The following FURIN variants were observed in gnomAD, a reference collection of about 807,000 sequenced individuals.
FURIN encodes the protein FES upstream region.
A neutral mutation model predicts 89.2 loss-of-function variants in FURIN; 18 were observed. The observed-to-expected ratio is 0.20, with a 90% confidence interval of 0.14 to 0.30. The LOEUF is 0.30. Among genes scored for constraint, FURIN ranks in the 10% least tolerant of loss-of-function variants. The pLI is 1.00. For missense variants in FURIN, 879 were observed against 1,100.5 expected, an observed-to-expected ratio of 0.80 and a Z score of 2.85; for synonymous variants, 508 against 466.4, an observed-to-expected ratio of 1.09 and a Z score of -1.15.
Position 90,876,278 on chromosome 15 carries a change from C to T in FURIN, c.201C>T (p.Phe67=). The T allele has an allele frequency of 6.2e-7, 1 of 1,610,784 alleles. No individual in the cohort carries two copies. Among genetic ancestry groups the T allele is most frequent in the Non-Finnish European group, 8.5e-7 (1 of 1,177,210 alleles). ...AGATCTTCGGGGACTATTACCACTT[C>T]TGGCATCGAGGAGTGACGAAGCGGT... ...LGQIFGDYYH[F]WHRGVTKRSL... The change falls in exon 3 of 16, where the codon TTC becomes TTT. Residue 67 remains phenylalanine (F), a synonymous_variant. Transcript: ENST00000268171. The surrounding 1 kb of genome is among the most constrained non-coding windows in gnomAD (Gnocchi z 5.0).
At position 90,876,388 on chromosome 15, in the gene FURIN, C is replaced by T. The variant is rs575304897; in HGVS notation, c.276+35C>T. 17 of 1,524,346 alleles carry T rather than the reference C, an allele frequency of 1.1e-5. No individual in the cohort carries two copies. In the African/African-American group the frequency reaches 2.1e-4, roughly 18 times the overall value. The allele number at this position is 1,524,346 out of a possible 1,614,324, so 94.4% of individuals were successfully genotyped here. On this transcript the variant is annotated intron_variant, in intron 3 of 15. Transcript: ENST00000268171. This position sits in a 1 kb window ranked among gnomAD's most constrained non-coding sequence, Gnocchi z 5.0. ...GCCCCAGCCCCCTCCTGCTGCCACC[C>T]TCCCCCTCCTGCTCTCAGGAGCCCC... is the stretch of plus-strand genomic sequence containing the variant.
chr15:90,869,322 C>CA (rs1029481088), intron 1 of FURIN, among the ~76,000 whole-genome samples: 1 of 151,968 alleles, frequency 6.6e-6, no homozygotes, highest in Non-Finnish European at 1.5e-5. Context: ...GCTCCAGGGC[C>CA]AGTTGAGAGT....
chr15:90,875,282 G>A (rs1243225364), intron 1 of FURIN, among the ~76,000 whole-genome samples: 1 of 152,028 alleles, frequency 6.6e-6, no homozygotes, highest in Admixed American at 6.6e-5. Context: ...TGATCCACCC[G>A]CCTCAGCCTC....
rs1156256598 is a variant in FURIN, at chr15:90,876,881, T to G, written c.373-15T>G. 1.2e-6 allele frequency: 2 copies of G among 1,613,416 alleles called. No homozygotes were observed. The highest frequency in any genetic ancestry group is 1.7e-6 in the Non-Finnish European group (2 of 1,179,560). ...CAATCATGTCTCATAAGTGATGGGGTGGGTGTCTCCACAGTCTGGTGTCAC... is the reference window on the plus strand; with the variant it reads ...CAATCATGTCTCATAAGTGATGGGGGGGGTGTCTCCACAGTCTGGTGTCAC... On this transcript the variant is annotated splice_polypyrimidine_tract_variant and intron_variant, in intron 4 of 15. Coordinates refer to ENST00000268171, the MANE Select transcript of FURIN (RefSeq NM_002569.4). The surrounding 1 kb of genome is among the most constrained non-coding windows in gnomAD (Gnocchi z 5.0).
chr15:90,876,992 G>A lies in FURIN; in HGVS notation c.469G>A (p.Glu157Lys), dbSNP rs747437407. 1.2e-6 allele frequency: 2 copies of A among 1,614,150 alleles called. No individual in the cohort carries two copies. Among genetic ancestry groups the A allele is most frequent in the Non-Finnish European group, 8.5e-7 (1 of 1,180,028 alleles). The change falls in exon 5 of 16, where the codon GAG becomes AAG. Residue 157 changes from glutamate to lysine, a missense_variant. This residue lies in a region of FURIN where 139 missense variants were observed against 215.0 expected (regional missense o/e 0.65). Transcript: ENST00000268171. The surrounding 1 kb of genome is among the most constrained non-coding windows in gnomAD (Gnocchi z 5.0). ...IVVSILDDGI[E>K]KNHPDLAGNY... is the part of the protein sequence containing the mutation. ...GGTCTCCATTCTGGACGATGGCATC[G>A]AGAAGAACCACCCGGACTTGGCAGG...
At chr15:90,875,164 C>T (rs8027450) in intron 1 of FURIN, among the ~76,000 whole-genome samples, 39,148 of 151,246 alleles carry the variant, frequency 0.26, 5,474 homozygotes, top group Non-Finnish European at 0.32. Flanking sequence ...CCTCCCAAGT[C>T]GCTGGCACTA....
chr15:90,873,684 A>G (rs2031448518), intron 1 of FURIN, among the ~76,000 whole-genome samples: 1 of 152,114 alleles, frequency 6.6e-6, no homozygotes, highest in Non-Finnish European at 1.5e-5. Flanking sequence ...CTAGCTGCCC[A>G]GCCATTGATC....
intron 1 of FURIN, among the ~76,000 whole-genome samples, chr15:90,869,859 CCT>C (rs1297083914): frequency 6.6e-6 from 1 of 152,226 alleles, no homozygotes; most frequent in Non-Finnish European, 1.5e-5. Flanking sequence ...CAGCCCTGTC[CCT>C]GTTTCCCCTC....
At position 90,881,240 on chromosome 15, in the gene FURIN, A is replaced by T. The variant is rs1398502208; in HGVS notation, c.1793-46A>T. 6.9e-7 allele frequency: 1 copy of T among 1,441,556 alleles called. No individual in the cohort carries two copies. The highest frequency in any genetic ancestry group is 2.3e-5 in the East Asian group (1 of 43,760). 89.3% of individuals were successfully genotyped at this position (1,441,556 alleles called of 1,614,324 possible). On this transcript the variant is annotated intron_variant, in intron 15 of 15. Transcript: ENST00000268171. The surrounding 1 kb of genome is among the most constrained non-coding windows in gnomAD (Gnocchi z 4.3). ...GGGGCTGCTGTGGTCCTGGGGCTAC[A>T]GTCTGTTTAGCTGACACACACTTGC...
At chr15:90,874,791 C>T (rs2031514445) in intron 1 of FURIN, among the ~76,000 whole-genome samples, 1 of 152,212 alleles carries the variant, frequency 6.6e-6, no homozygotes, top group Non-Finnish European at 1.5e-5. Context: ...GTAATTCTCA[C>T]CATCTTGAGA....
At position 90,881,370 on chromosome 15, in the gene FURIN, A is replaced by T. The variant is rs369570129; in HGVS notation, c.1877A>T (p.His626Leu). The T allele has an allele frequency of 1.1e-5, 18 of 1,612,568 alleles. No individual in the cohort carries two copies. The highest frequency in any genetic ancestry group is 1.5e-5 in the Non-Finnish European group (18 of 1,179,840). The change falls in exon 16 of 16, where the codon CAC becomes CTC. Residue 626 changes from histidine to leucine, a missense_variant. His to Leu is a moderately conservative substitution (Grantham distance 99, BLOSUM62 -3). Around this residue, in one of 5 missense-constraint regions of FURIN, gnomAD observed 457 missense variants for 490.7 expected, o/e 0.93. Coordinates refer to ENST00000268171, the MANE Select transcript of FURIN (RefSeq NM_002569.4). The surrounding 1 kb of genome is among the most constrained non-coding windows in gnomAD (Gnocchi z 4.3). ...TTCGCCCCCCAAGTCCTCGATACGC[A>T]CTATAGCACCGAGAATGACGTGGAG... is the stretch of plus-strand genomic sequence containing the variant. ...PGFAPQVLDT[H>L]YSTENDVETI...
Position 90,880,283 on chromosome 15 carries a change from C to A in FURIN, c.1556+10C>A. ...CCCTGCTGGCAGCCAGGTGCTTGCT[C>A]TGTCCCTGCCCGCCCTGCCCAGCGC... On this transcript the variant is annotated intron_variant, in intron 13 of 15. Coordinates refer to ENST00000268171, the MANE Select transcript of FURIN (RefSeq NM_002569.4). The A allele has an allele frequency of 1.3e-6, 2 of 1,590,632 alleles. No homozygotes were observed. The highest frequency in any genetic ancestry group is 1.1e-5 in the South Asian group (1 of 89,096).
At chr15:90,877,918 G>T (rs770645605) in intron 7 of FURIN, among the ~76,000 whole-genome samples, 1 of 152,196 alleles carries the variant, frequency 6.6e-6, no homozygotes, top group Non-Finnish European at 1.5e-5. Context: ...ATGTGTGGTT[G>T]GGGGCAGGAG....
chr15:90,872,146 C>T (rs1296618407), intron 1 of FURIN, among the ~76,000 whole-genome samples: 1 of 151,390 alleles, frequency 6.6e-6, no homozygotes, highest in Non-Finnish European at 1.5e-5. Flanking sequence ...GGGGCTCCTT[C>T]GCTTGGGCCT....
Position 90,876,003 on chromosome 15 carries a change from C to G in FURIN, c.177+86C>G, listed in dbSNP as rs944648858. 6 of 1,203,900 alleles carry G rather than the reference C, an allele frequency of 5.0e-6. No homozygotes were observed. The African/African-American group carries it at 7.6e-5, about 15-fold the overall frequency. 74.6% of individuals were successfully genotyped at this position (1,203,900 alleles called of 1,614,324 possible). A position where few individuals can be genotyped will look rare whatever the true frequency, so the allele number is the denominator to read the frequency against. On this transcript the variant is annotated intron_variant, in intron 2 of 15. Transcript: ENST00000268171. This position sits in a 1 kb window ranked among gnomAD's most constrained non-coding sequence, Gnocchi z 5.0. ...GAGCAGGAGCTGTTGGCCTTGTTTG[C>G]TCAGGGGCATCTGGGTAGCCGGCAT...
At position 90,875,564 on chromosome 15, in the gene FURIN, C is replaced by A; in HGVS notation, c.-159-18C>A. 1 of 536,400 alleles carries A rather than the reference C, an allele frequency of 1.9e-6. No homozygotes were observed. Among genetic ancestry groups the A allele is most frequent in the Non-Finnish European group, 3.3e-6 (1 of 305,710 alleles). 33.2% of individuals were successfully genotyped at this position (536,400 alleles called of 1,614,324 possible). A position where few individuals can be genotyped will look rare whatever the true frequency, so the allele number is the denominator to read the frequency against. On this transcript the variant is annotated intron_variant, in intron 1 of 15. Transcript: ENST00000268171. ...GGAACTGACCCTCTCTCCCCTTTTC[C>A]CCTCTTGTTCCTCTCAGGGTCGGCA... is the stretch of plus-strand genomic sequence containing the variant.
Position 90,876,886 on chromosome 15 carries a change from G to A in FURIN, c.373-10G>A. ...ATGTCTCATAAGTGATGGGGTGGGTGTCTCCACAGTCTGGTGTCACTCAGC... is the reference window on the plus strand; with the variant it reads ...ATGTCTCATAAGTGATGGGGTGGGTATCTCCACAGTCTGGTGTCACTCAGC... On this transcript the variant is annotated splice_polypyrimidine_tract_variant and intron_variant, in intron 4 of 15. Coordinates refer to ENST00000268171, the MANE Select transcript of FURIN (RefSeq NM_002569.4). The surrounding 1 kb of genome is among the most constrained non-coding windows in gnomAD (Gnocchi z 5.0). The A allele has an allele frequency of 1.2e-6, 2 of 1,613,856 alleles. No individual in the cohort carries two copies. Among genetic ancestry groups the A allele is most frequent in the South Asian group, 1.1e-5 (1 of 91,072 alleles).
intron 1 of FURIN, among the ~76,000 whole-genome samples, chr15:90,868,931 G>C (rs998899117): frequency 6.6e-6 from 1 of 152,168 alleles, no homozygotes; most frequent in Non-Finnish European, 1.5e-5. Flanking sequence ...CTAGGTGTGG[G>C]TGCTGCTGCC....
Position 90,877,560 on chromosome 15 carries a change from G to C in FURIN, c.612G>C (p.Ala204=), listed in dbSNP as rs749615638. The change falls in exon 7 of 16, where the codon GCG becomes GCC. Residue 204 remains alanine (A), a synonymous_variant. Coordinates refer to ENST00000268171, the MANE Select transcript of FURIN (RefSeq NM_002569.4). ...CACGGTGTGCGGGGGAAGTGGCTGC[G>C]GTGGCCAACAACGGTGTCTGTGGTG... ...HGTRCAGEVA[A]VANNGVCGVG... is the part of the protein sequence containing the mutation. The C allele has an allele frequency of 6.3e-7, 1 of 1,579,650 alleles. No homozygotes were observed. The highest frequency in any genetic ancestry group is 2.3e-5 in the East Asian group (1 of 43,252).
Sources: allele counts gnomAD v4.1 joint callset (sites outside exome capture counted in the v4.1 genomes callset), GRCh38; gene constraint gnomAD v4.1.1; regional missense constraint gnomAD v4.1.1; non-coding constraint Gnocchi (gnomAD v3.1); transcripts MANE v1.5; gene names NCBI Gene and HGNC (gene_info 2026-07-23, HGNC 2026-07-21).